Variants in FLACC1 observed in about 807,000 individuals in gnomAD.
The protein encoded by FLACC1 is flagellum-associated coiled-coil domain-containing protein 1.
In FLACC1, 66 loss-of-function variants were observed where a neutral mutation model predicts 62.8. That is an observed-to-expected ratio of 1.05 (90% CI 0.86 to 1.29). FLACC1 has a LOEUF of 1.29. FLACC1 is among the 50% of genes most tolerant of loss of function. The pLI, the probability that FLACC1 is intolerant of heterozygous loss-of-function variation, is 0.00. For synonymous variants in FLACC1, 156 were observed against 161.0 expected (o/e 0.97, Z 0.24); for missense variants, 452 against 489.1 (o/e 0.92, Z 0.71).
chr2:201,331,775 A>G (rs748713071), intron 7 of FLACC1, among the ~76,000 whole-genome samples: 4 of 152,242 alleles, frequency 2.6e-5, no homozygotes, highest in Non-Finnish European at 5.9e-5. Flanking sequence ...ACACTAGAAT[A>G]GTGGATACAT....
chr2:201,348,066 T>G (rs370100818), intron 4 of FLACC1, 188 bp downstream of exon 4: 11 of 509,376 alleles, frequency 2.2e-5, no homozygotes, highest in Admixed American at 7.5e-5. Flanking sequence ...GGAATCTAGC[T>G]GAGCTGAGTT....
chr2:201,309,323 A>C, intron 9 of FLACC1, 73 bp from the exon 10 acceptor site: 1 of 1,141,648 alleles, frequency 8.8e-7, no homozygotes, highest in Non-Finnish European at 1.3e-6. Flanking sequence ...TGTAAAACTC[A>C]ACTCAGGGAG....
At chr2:201,296,471 A>G (rs1318271126) in intron 12 of FLACC1, among the ~76,000 whole-genome samples, 1 of 132,178 alleles carries the variant, frequency 7.6e-6, no homozygotes, top group Non-Finnish European at 1.5e-5. Context: ...ATGAGAACAC[A>G]TGGACACAGG....
intron 9 of FLACC1, among the ~76,000 whole-genome samples, chr2:201,312,747 C>G (rs1950239263): frequency 6.6e-6 from 1 of 152,216 alleles, no homozygotes; most frequent in African/African-American, 2.4e-5. Context: ...ATGGACAGAG[C>G]AGCATGTGGA....
intron 9 of FLACC1, among the ~76,000 whole-genome samples, chr2:201,311,126 G>A (rs1173203666): frequency 6.7e-6 from 1 of 149,680 alleles, no homozygotes. Flanking sequence ...ATTGAGTTTT[G>A]AAATTGATTC....
chr2:201,343,843 T>C (rs956206002), intron 6 of FLACC1, among the ~76,000 whole-genome samples: 1 of 152,216 alleles, frequency 6.6e-6, no homozygotes, highest in Non-Finnish European at 1.5e-5. Flanking sequence ...GCTCTGAAAC[T>C]TAATTGCACC....
chr2:201,358,378 G>A (rs1951150289), upstream of FLACC1, among the ~76,000 whole-genome samples: 1 of 151,502 alleles, frequency 6.6e-6, no homozygotes, highest in Non-Finnish European at 1.5e-5. Context: ...AAGTAGATGG[G>A]ACTACACAGG....
At chr2:201,312,451 T>C (rs907537110) in intron 9 of FLACC1, among the ~76,000 whole-genome samples, 1 of 152,174 alleles carries the variant, frequency 6.6e-6, no homozygotes, top group Non-Finnish European at 1.5e-5. Flanking sequence ...CATTCCATGC[T>C]CATGGATTAG....
In FLACC1 at chr2:201,307,605, T is replaced by A; in HGVS notation, c.793A>T (p.Lys265Ter). The change falls in exon 11 of 15, where the codon AAA (lysine) becomes TAA (stop). Residue 265 changes from lysine (K) to a stop codon, truncating the protein, a stop_gained. Coordinates refer to ENST00000392257, the MANE Select transcript of FLACC1 (RefSeq NM_001127391.3). LOFTEE classifies it high-confidence loss of function. ...TCTTCTCCTGACTCCATTTCGAATT[T>A]TTTGGTCATCTTTTTTTCTGTGGAA... ...LLQQKKKMTK[K>*]FEMESGEEDK... The A allele has an allele frequency of 6.2e-7, 1 of 1,614,008 alleles. No homozygotes were observed.
chr2:201,359,379 T>C (rs954604463), upstream of FLACC1, among the ~76,000 whole-genome samples: 2 of 152,166 alleles, frequency 1.3e-5, no homozygotes, highest in South Asian at 4.1e-4. Context: ...GATTCTGGCC[T>C]AGAAGCAGAT....
At chr2:201,330,969 A>G (rs959385704) in intron 7 of FLACC1, 136 bp from the exon 8 acceptor site, 4 of 584,254 alleles carry the variant, frequency 6.8e-6, no homozygotes, top group East Asian at 6.5e-5. Flanking sequence ...AAATTTTTAA[A>G]TCTTTTTTTT....
chr2:201,338,115 C>T (rs1287445827), intron 7 of FLACC1, among the ~76,000 whole-genome samples: 1 of 152,044 alleles, frequency 6.6e-6, no homozygotes, highest in Non-Finnish European at 1.5e-5. Context: ...GGTCTTTCAC[C>T]TTTTTGGTTA....
intron 12 of FLACC1, 29 bp from the exon 13 acceptor site, chr2:201,289,814 T>C: frequency 1.2e-6 from 2 of 1,614,198 alleles, no homozygotes; most frequent in Non-Finnish European, 1.7e-6. Context: ...TTGCAGGACA[T>C]CATGCCAATG....
At chr2:201,348,108 C>T in intron 4 of FLACC1, 146 bp downstream of exon 4, 1 of 706,270 alleles carries the variant, frequency 1.4e-6, no homozygotes, top group East Asian at 3.2e-5. Flanking sequence ...ACCTGCCGTG[C>T]ATAATGTGCA....
chr2:201,328,124 T>G (rs553394887), intron 9 of FLACC1, among the ~76,000 whole-genome samples: 1 of 152,164 alleles, frequency 6.6e-6, no homozygotes, highest in South Asian at 2.1e-4. Flanking sequence ...AAAGGCATAT[T>G]CATTAATGAA....
At chr2:201,316,226 TCAAA>T (rs777531105) in intron 9 of FLACC1, among the ~76,000 whole-genome samples, 27 of 151,370 alleles carry the variant, frequency 1.8e-4, no homozygotes, top group Admixed American at 1.5e-3. Context: ...CTGAATGAAA[TCAAA>T]CAAACAAACA....
At chr2:201,299,978 C>T (rs1447363040) in intron 11 of FLACC1, among the ~76,000 whole-genome samples, 2 of 152,166 alleles carry the variant, frequency 1.3e-5, no homozygotes, top group Non-Finnish European at 2.9e-5. Flanking sequence ...CACCTCCAGT[C>T]TATAGCTCCC....
intron 9 of FLACC1, among the ~76,000 whole-genome samples, chr2:201,325,184 A>G (rs1463766707): frequency 6.6e-6 from 1 of 152,196 alleles, no homozygotes; most frequent in African/African-American, 2.4e-5. Flanking sequence ...CAGTGCTAGG[A>G]AAGTTTATAG....
chr2:201,314,260 G>A (rs1399910348), intron 9 of FLACC1, among the ~76,000 whole-genome samples: 1 of 151,292 alleles, frequency 6.6e-6, no homozygotes, highest in Non-Finnish European at 1.5e-5. Flanking sequence ...AAGCAACAGA[G>A]AAAGGCAAAG....
Sources: gnomAD v4.1 joint callset for allele counts (sites outside exome capture counted in the v4.1 genomes callset) on GRCh38, gnomAD v4.1.1 for gene constraint, MANE v1.5 for transcripts, NCBI Gene and HGNC (gene_info 2026-07-23, HGNC 2026-07-21) for gene names.